Variants in CHAT observed in about 807,000 individuals in gnomAD.
CHAT encodes acetyl CoA:choline O-acetyltransferase.
In CHAT, 61 loss-of-function variants were observed where a neutral mutation model predicts 76.9. The observed-to-expected ratio is 0.79, with a 90% CI of 0.65 to 0.98. The LOEUF (loss-of-function observed/expected upper bound fraction) is 0.98. CHAT is among the 50% of genes least tolerant of loss of function. The probability of loss-of-function intolerance (pLI) is 0.00; values close to 1 mark genes in which losing one functional copy is unlikely to be tolerated. For missense variants in CHAT, 946 were observed against 986.9 expected (o/e 0.96, Z 0.56); for synonymous variants, 407 against 397.4 (o/e 1.02, Z -0.29).
At chr10:49,659,430 G>A (rs532218834) in intron 13 of CHAT, among the ~76,000 whole-genome samples, 1 of 152,278 alleles carries the variant, frequency 6.6e-6, no homozygotes, top group South Asian at 2.1e-4. Context: ...AAGATAGAGG[G>A]GTGCCCGCAG....
chr10:49,652,283 G>A (rs888846716), intron 11 of CHAT, among the ~76,000 whole-genome samples: 1 of 151,332 alleles, frequency 6.6e-6, no homozygotes, highest in Non-Finnish European at 1.5e-5. Context: ...AGCCAGGAGG[G>A]GATGAGGACC....
intron 10 of CHAT, among the ~76,000 whole-genome samples, chr10:49,650,153 G>A (rs1181141838): frequency 6.6e-6 from 1 of 152,168 alleles, no homozygotes; most frequent in Non-Finnish European, 1.5e-5. Context: ...CTGCACTGTA[G>A]CTGTTGATTC....
rs1838512707 is a variant in CHAT at position 49,616,753 on chromosome 10, C to A, written c.387+151C>A. 11 of 698,564 alleles carry A rather than the reference C, an allele frequency of 1.6e-5. No homozygotes were observed. The South Asian group carries it at 1.7e-4, about 11-fold the overall frequency. The allele number at this position is 698,564 out of a possible 1,614,324, so 43.3% of individuals were successfully genotyped here. On this transcript the variant is annotated intron_variant, in intron 2 of 14. Coordinates refer to ENST00000337653, the MANE Select transcript of CHAT (RefSeq NM_020549.5). ...ACAAGGCCCAGGCTACAGCTCCACC[C>A]CCAGCTTGCTGAGGATCCCAGAAGG...
chr10:49,612,907 G>C (rs533557569), upstream of CHAT, among the ~76,000 whole-genome samples: 2 of 152,316 alleles, frequency 1.3e-5, no homozygotes, highest in African/African-American at 2.4e-5. Flanking sequence ...TGTCACCCAC[G>C]GTCACCAAGG....
At chr10:49,637,240 C>T (rs1839325407) in intron 7 of CHAT, among the ~76,000 whole-genome samples, 1 of 151,902 alleles carries the variant, frequency 6.6e-6, no homozygotes, top group African/African-American at 2.4e-5. Flanking sequence ...TGAGACTTTT[C>T]TAATGTAAGC....
At chr10:49,627,861 G>A in intron 7 of CHAT, 76 bp downstream of exon 7, 1 of 1,509,646 alleles carries the variant, frequency 6.6e-7, no homozygotes, top group Non-Finnish European at 9.0e-7. Flanking sequence ...TCTAGGGTTG[G>A]GCCAGGGCCT....
chr10:49,624,706 T>TGGAA (rs201389257), intron 5 of CHAT, among the ~76,000 whole-genome samples: 1 of 149,870 alleles, frequency 6.7e-6, no homozygotes, highest in Non-Finnish European at 1.5e-5. Flanking sequence ...GCTGAAAGAG[T>TGGAA]GGAAGGAAGG....
chr10:49,641,858 A>G (rs1839492823), intron 7 of CHAT, among the ~76,000 whole-genome samples: 1 of 152,222 alleles, frequency 6.6e-6, no homozygotes, highest in African/African-American at 2.4e-5. Flanking sequence ...GTCCGGGGGT[A>G]CTTGTGCACA....
At position 49,654,415 on chromosome 10, in the gene CHAT, C is replaced by T. The variant is rs141419513; in HGVS notation, c.1635-680C>T. 1.6e-4 allele frequency among the ~76,000 whole-genome samples: 25 copies of T among 152,384 alleles called. No homozygotes were observed. The South Asian group carries it at 5.2e-3, about 32-fold the overall frequency. On this transcript the variant is annotated intron_variant, in intron 11 of 14. Coordinates refer to ENST00000337653, the MANE Select transcript of CHAT (RefSeq NM_020549.5). Reference sequence around the variant, plus strand: ...GTCTTTTTTCCTCCCCCACTCCCAACATCAAGGACTTTACCAAGTGGTGAG... The same window carrying T: ...GTCTTTTTTCCTCCCCCACTCCCAATATCAAGGACTTTACCAAGTGGTGAG...
At chr10:49,642,306 C>T (rs566415056) in intron 7 of CHAT, among the ~76,000 whole-genome samples, 1 of 152,360 alleles carries the variant, frequency 6.6e-6, no homozygotes, top group Admixed American at 6.5e-5. Flanking sequence ...ACATGATAAA[C>T]TTGTCAGCAT....
At chr10:49,642,274 T>TG (rs1839507275) in intron 7 of CHAT, among the ~76,000 whole-genome samples, 2 of 152,220 alleles carry the variant, frequency 1.3e-5, no homozygotes, top group African/African-American at 4.8e-5. Flanking sequence ...TGAGCTTGGG[T>TG]GTAGTGCTCA....
intron 10 of CHAT, 115 bp from the exon 11 acceptor site, chr10:49,651,769 T>C (rs1306808404): frequency 5.6e-6 from 6 of 1,070,516 alleles, no homozygotes; most frequent in Non-Finnish European, 8.2e-6. Flanking sequence ...AGGGACTACG[T>C]CCGCACCTTC....
At chr10:49,659,819 G>A (rs1469843314) in intron 13 of CHAT, among the ~76,000 whole-genome samples, 1 of 151,898 alleles carries the variant, frequency 6.6e-6, no homozygotes, top group Non-Finnish European at 1.5e-5. Flanking sequence ...CCGAGATCAC[G>A]CCACTTCACT....
intron 14 of CHAT, among the ~76,000 whole-genome samples, chr10:49,663,978 T>G (rs1462215246): frequency 6.6e-6 from 1 of 152,154 alleles, no homozygotes; most frequent in Non-Finnish European, 1.5e-5. Flanking sequence ...CAGTGTCACT[T>G]CCAAAGGCCT....
chr10:49,638,848 T>A (rs539551416), intron 7 of CHAT, among the ~76,000 whole-genome samples: 1 of 152,336 alleles, frequency 6.6e-6, no homozygotes, highest in Non-Finnish European at 1.5e-5. Context: ...TGAAAATGAA[T>A]TTATTTACTC....
upstream of CHAT, chr10:49,612,688 C>T (rs965451248): frequency 3.5e-6 from 1 of 283,752 alleles, no homozygotes. Flanking sequence ...GCGGCGCCTC[C>T]GCCCAAATCA....
chr10:49,614,904 C>T (rs1460477773), intron 1 of CHAT, among the ~76,000 whole-genome samples: 2 of 152,216 alleles, frequency 1.3e-5, no homozygotes, highest in African/African-American at 2.4e-5. Context: ...CGATGACAGC[C>T]TGTGAATGAC....
chr10:49,647,777 TTCCTTCCTTC>T (rs1406014690), intron 8 of CHAT: 9 of 149,978 alleles, frequency 6.0e-5, no homozygotes, highest in South Asian at 2.1e-4. Flanking sequence ...CCTTCCTTCC[TTCCTTCCTTC>T]CTTCCTTCCT....
Position 49,625,571 on chromosome 10 carries a change from G to A in CHAT, c.851G>A (p.Gly284Asp), listed in dbSNP as rs1294163705. ...YGLFSSYRLP[G>D]HTQDTLVAQN... ...CTCTTCTCCTCCTACCGGCTCCCCG[G>A]CCATACCCAGGACACGCTGGTGGCT... is the stretch of plus-strand genomic sequence containing the variant. Residue 284 changes from glycine to aspartate, a missense_variant, in exon 6 of 15, where the codon GGC (glycine) becomes GAC (aspartate). Coordinates refer to ENST00000337653, the MANE Select transcript of CHAT (RefSeq NM_020549.5). 1 of 1,611,544 alleles carries A rather than the reference G, an allele frequency of 6.2e-7. No individual in the cohort carries two copies. Among genetic ancestry groups the A allele is most frequent in the Non-Finnish European group, 8.5e-7 (1 of 1,178,926 alleles).
Sources: allele counts gnomAD v4.1 joint callset (sites outside exome capture counted in the v4.1 genomes callset), GRCh38; gene constraint gnomAD v4.1.1; transcripts MANE v1.5; gene names NCBI Gene and HGNC (gene_info 2026-07-23, HGNC 2026-07-21).